The following RBFOX1 variants were observed in gnomAD, a reference collection of about 807,000 sequenced individuals.
RBFOX1 encodes the protein RNA binding protein fox-1 homolog 1.
RBFOX1 carries 8 observed loss-of-function variants against 57.7 expected under a neutral mutation model. The ratio of observed to expected loss-of-function variants is 0.14; its 90% CI spans 0.08 to 0.25. RBFOX1 has a LOEUF of 0.25. Among genes scored for constraint, RBFOX1 ranks in the 10% least tolerant of loss-of-function variants. The pLI is 1.00. For synonymous variants in RBFOX1, 326 were observed against 222.4 expected, an observed-to-expected ratio of 1.47 and a Z score of -4.15; for missense variants, 611 against 548.5, an observed-to-expected ratio of 1.11 and a Z score of -1.14.
intron 4 of RBFOX1, among the ~76,000 whole-genome samples, chr16:7,467,152 T>C (rs2060671560): frequency 6.6e-6 from 1 of 152,202 alleles, no homozygotes; most frequent in African/African-American, 2.4e-5. Context: ...GAGTATCTTC[T>C]AGAGAGGAAA....
intron 2 of RBFOX1, among the ~76,000 whole-genome samples, chr16:6,569,016 G>C (rs2153945124): frequency 6.6e-6 from 1 of 152,098 alleles, no homozygotes; most frequent in Admixed American, 6.5e-5. Context: ...TAAATGATCT[G>C]CCTACCTCAG....
intron 14 of RBFOX1, among the ~76,000 whole-genome samples, chr16:7,694,579 C>T (rs762027285): frequency 6.6e-6 from 1 of 152,214 alleles, no homozygotes; most frequent in Non-Finnish European, 1.5e-5. Context: ...TATAAAACCT[C>T]TTTGCTGATG....
rs78399220 is a variant in RBFOX1 at position 5,720,443 on chromosome 16, T to A, written c.318+121482T>A. On this transcript the variant is annotated intron_variant, in intron 3 of 19. Transcript: ENST00000641259. ...TTCAGCATAAAGTTTTAAATTTTTG[T>A]TAATCGCAATGAACCTATTTTTTCT... Among the ~76,000 whole-genome samples, 733 of 152,346 alleles carry A rather than the reference T, an allele frequency of 4.8e-3. 1 individual carries two copies. The highest frequency in any genetic ancestry group is 7.5e-3 in the Non-Finnish European group (511 of 68,034).
intron 2 of RBFOX1, among the ~76,000 whole-genome samples, chr16:6,505,975 C>A (rs1298962688): frequency 6.6e-6 from 1 of 152,114 alleles, no homozygotes; most frequent in Non-Finnish European, 1.5e-5. Context: ...GAGGAAATCA[C>A]ATCATCACAA....
intron 1 of RBFOX1, among the ~76,000 whole-genome samples, chr16:6,092,181 A>G (rs2096185211): frequency 6.6e-6 from 1 of 152,224 alleles, no homozygotes; most frequent in South Asian, 2.1e-4. Context: ...TCATGAGAAT[A>G]ATAAAAGCTA....
chr16:5,757,128 A>G (rs1011664282), intron 3 of RBFOX1, among the ~76,000 whole-genome samples: 1 of 152,174 alleles, frequency 6.6e-6, no homozygotes, highest in Admixed American at 6.5e-5. Flanking sequence ...TGCCATCATT[A>G]CTGCATAGCT....
At chr16:6,705,941 C>G (rs1350319454) in intron 3 of RBFOX1, among the ~76,000 whole-genome samples, 2 of 152,138 alleles carry the variant, frequency 1.3e-5, no homozygotes, top group Admixed American at 1.3e-4. Flanking sequence ...GCACTTGAGC[C>G]TGGGAGGTGG....
At chr16:6,881,654 A>C (rs2062957969) in intron 3 of RBFOX1, among the ~76,000 whole-genome samples, 2 of 152,192 alleles carry the variant, frequency 1.3e-5, no homozygotes, top group East Asian at 3.9e-4. Context: ...ATCTTCAAAT[A>C]AAGTCACATT....
chr16:6,698,954 A>C (rs761773505), intron 3 of RBFOX1, among the ~76,000 whole-genome samples: 4 of 152,208 alleles, frequency 2.6e-5, no homozygotes, highest in Non-Finnish European at 5.9e-5. Flanking sequence ...AGACTCTAGA[A>C]CAAGGGGTGA....
At chr16:6,451,946 A>T (rs1447396361) in intron 2 of RBFOX1, among the ~76,000 whole-genome samples, 1 of 135,544 alleles carries the variant, frequency 7.4e-6, no homozygotes, top group Non-Finnish European at 1.6e-5. Flanking sequence ...CCTCCCTCCC[A>T]TGAGTCCACC....
At chr16:7,617,196 G>A (rs181381849) in intron 10 of RBFOX1, among the ~76,000 whole-genome samples, 2 of 152,128 alleles carry the variant, frequency 1.3e-5, no homozygotes, top group Admixed American at 6.6e-5. Flanking sequence ...TGTAGGCACA[G>A]ATAGTGTTTT....
At chr16:6,885,299 C>T (rs530925009) in intron 3 of RBFOX1, among the ~76,000 whole-genome samples, 14 of 152,272 alleles carry the variant, frequency 9.2e-5, no homozygotes, top group African/African-American at 2.2e-4. Flanking sequence ...TCTCTATCCT[C>T]GCTGCAGGCA....
intron 15 of RBFOX1, chr16:7,709,523 C>A (rs1568613953): frequency 8.5e-6 from 13 of 1,533,408 alleles, no homozygotes; most frequent in Non-Finnish European, 1.1e-5. Context: ...GCACAGACTT[C>A]AGAGGAGCTA....
intron 3 of RBFOX1, among the ~76,000 whole-genome samples, chr16:5,673,439 G>T (rs1392715379): frequency 6.6e-6 from 1 of 152,106 alleles, no homozygotes; most frequent in Admixed American, 6.5e-5. Context: ...TACTTCTGTG[G>T]ATTTCCTTCC....
At chr16:6,533,684 C>T (rs1393250821) in intron 2 of RBFOX1, among the ~76,000 whole-genome samples, 1 of 151,898 alleles carries the variant, frequency 6.6e-6, no homozygotes, top group East Asian at 1.9e-4. Flanking sequence ...GGAATGGAAA[C>T]ATTTAACTCA....
intron 3 of RBFOX1, among the ~76,000 whole-genome samples, chr16:6,946,207 G>C (rs1242366821): frequency 6.6e-6 from 1 of 152,208 alleles, no homozygotes; most frequent in Non-Finnish European, 1.5e-5. Flanking sequence ...GAATATTTTA[G>C]GATTTGGGTG....
intron 2 of RBFOX1, among the ~76,000 whole-genome samples, chr16:6,504,588 C>G (rs2096038085): frequency 6.6e-6 from 1 of 152,210 alleles, no homozygotes. Flanking sequence ...CATACTGAGT[C>G]TTATTTGACA....
chr16:5,517,060 A>G (rs1003740100), intron 2 of RBFOX1, among the ~76,000 whole-genome samples: 2 of 151,908 alleles, frequency 1.3e-5, no homozygotes, highest in African/African-American at 2.4e-5. Context: ...TCATAAAAAT[A>G]ACTATGAAAT....
intron 3 of RBFOX1, among the ~76,000 whole-genome samples, chr16:5,854,072 T>C (rs2056964377): frequency 6.6e-6 from 1 of 152,242 alleles, no homozygotes; most frequent in African/African-American, 2.4e-5. Flanking sequence ...AGAAGAACTG[T>C]ATTCTTTAAG....
Sources: allele counts gnomAD v4.1 joint callset (sites outside exome capture counted in the v4.1 genomes callset), GRCh38; gene constraint gnomAD v4.1.1; transcripts MANE v1.5; gene names NCBI Gene and HGNC (gene_info 2026-07-23, HGNC 2026-07-21).